DGKB: variants seen among roughly 807,000 people sequenced by gnomAD.
The protein encoded by DGKB is diacylglycerol kinase beta.
DGKB carries 67 observed loss-of-function variants against 114.3 expected under a neutral mutation model. That is an observed-to-expected ratio of 0.59 (90% CI 0.48 to 0.72). DGKB has a LOEUF of 0.72. DGKB is among the 30% of genes least tolerant of loss of function. DGKB has a pLI of 0.00. For missense variants in DGKB, 907 were observed against 975.2 expected (o/e 0.93, Z 0.93); for synonymous variants, 398 against 323.1 (o/e 1.23, Z -2.49).
At chr7:14,594,285 C>T (rs1396492633) in intron 17 of DGKB, among the ~76,000 whole-genome samples, 1 of 152,002 alleles carries the variant, frequency 6.6e-6, no homozygotes, top group East Asian at 1.9e-4. Context: ...GGTCATGCTA[C>T]ATGAAAGTCC....
chr7:14,669,698 G>C (rs1818631663), intron 13 of DGKB, among the ~76,000 whole-genome samples: 1 of 151,938 alleles, frequency 6.6e-6, no homozygotes, highest in Non-Finnish European at 1.5e-5. Flanking sequence ...CATTGTTTTG[G>C]ACTGAGCTCC....
chr7:14,704,752 G>C (rs1825885078), intron 6 of DGKB, among the ~76,000 whole-genome samples: 1 of 152,124 alleles, frequency 6.6e-6, no homozygotes, highest in African/African-American at 2.4e-5. Flanking sequence ...ACCTGCAGCT[G>C]AGGGTCCTGT....
chr7:14,932,106 C>A (rs2128251217), intron 1 of DGKB, among the ~76,000 whole-genome samples: 1 of 152,276 alleles, frequency 6.6e-6, no homozygotes, highest in South Asian at 2.1e-4. Context: ...CCAGCTGCTA[C>A]CCAAGTTAGG....
At chr7:14,769,701 C>T (rs1335699285) in intron 2 of DGKB, among the ~76,000 whole-genome samples, 2 of 152,008 alleles carry the variant, frequency 1.3e-5, no homozygotes, top group Admixed American at 6.6e-5. Flanking sequence ...AAGGTGTCAG[C>T]AGGGTTGTTT....
intron 19 of DGKB, among the ~76,000 whole-genome samples, chr7:14,578,332 T>C (rs1799460102): frequency 6.6e-6 from 1 of 152,168 alleles, no homozygotes; most frequent in Admixed American, 6.5e-5. Context: ...ACAAACACTG[T>C]GCAAACAAGT....
chr7:14,710,437 A>G (rs1827169448), intron 6 of DGKB, among the ~76,000 whole-genome samples: 1 of 152,118 alleles, frequency 6.6e-6, no homozygotes, highest in Non-Finnish European at 1.5e-5. Flanking sequence ...AGTCTATAAT[A>G]AACAATGAAT....
chr7:14,177,109 A>C (rs566640673), intron 24 of DGKB, among the ~76,000 whole-genome samples: 1 of 152,300 alleles, frequency 6.6e-6, no homozygotes, highest in South Asian at 2.1e-4. Context: ...CTTCCTGGTA[A>C]GTGTAGTGAC....
intron 5 of DGKB, among the ~76,000 whole-genome samples, chr7:14,729,185 C>G (rs546846010): frequency 7.1e-6 from 1 of 141,294 alleles, no homozygotes; most frequent in Non-Finnish European, 1.5e-5. Context: ...TGCAGTGGCG[C>G]CATCTCGGCT....
At chr7:14,845,028 G>T (rs1289811379) in intron 1 of DGKB, among the ~76,000 whole-genome samples, 2 of 143,900 alleles carry the variant, frequency 1.4e-5, no homozygotes, top group African/African-American at 5.2e-5. Context: ...GATTGCATGG[G>T]CCCAGGAGGT....
At chr7:14,930,195 T>C (rs1784944069) in intron 1 of DGKB, among the ~76,000 whole-genome samples, 1 of 152,174 alleles carries the variant, frequency 6.6e-6, no homozygotes, top group African/African-American at 2.4e-5. Context: ...AGGATTGATT[T>C]GGTCTTTTGG....
At chr7:14,210,534 A>T (rs1787585376) in intron 23 of DGKB, among the ~76,000 whole-genome samples, 1 of 152,130 alleles carries the variant, frequency 6.6e-6, no homozygotes, top group African/African-American at 2.4e-5. Context: ...GAATCACAAC[A>T]GAGCTTTAAT....
At chr7:14,190,839 G>A (rs1016549982) in intron 23 of DGKB, 5 of 152,730 alleles carry the variant, frequency 3.3e-5, no homozygotes, top group African/African-American at 1.2e-4. Flanking sequence ...TGTCAAAATT[G>A]GACACATTGA....
At chr7:14,554,296 C>T (rs551565688) in intron 20 of DGKB, among the ~76,000 whole-genome samples, 2 of 152,132 alleles carry the variant, frequency 1.3e-5, no homozygotes, top group South Asian at 4.2e-4. Context: ...CCGAACAACT[C>T]CTTAAGATAG....
intron 17 of DGKB, among the ~76,000 whole-genome samples, chr7:14,587,482 A>G (rs1584977056): frequency 6.6e-6 from 1 of 152,298 alleles, no homozygotes; most frequent in East Asian, 1.9e-4. Context: ...AGATTATTAC[A>G]TAAATTTAAT....
chr7:14,321,314 T>G (rs1309049173), intron 23 of DGKB, among the ~76,000 whole-genome samples: 2 of 152,048 alleles, frequency 1.3e-5, no homozygotes, highest in Admixed American at 1.3e-4. Context: ...AGCAATGTAA[T>G]TCTCCACATT....
chr7:14,752,852 T>C (rs1483990625), intron 4 of DGKB, among the ~76,000 whole-genome samples: 2 of 152,152 alleles, frequency 1.3e-5, no homozygotes, highest in East Asian at 3.9e-4. Flanking sequence ...AATGACTACA[T>C]TAGAGTAAAT....
chr7:14,943,150 G>A (rs917530952), intron 1 of DGKB, among the ~76,000 whole-genome samples: 18 of 151,548 alleles, frequency 1.2e-4, no homozygotes, highest in African/African-American at 3.9e-4. Context: ...TGTCATGCTT[G>A]CATTCCTTCA....
chr7:14,341,991 T>G (rs1399009024), intron 22 of DGKB, among the ~76,000 whole-genome samples: 1 of 151,882 alleles, frequency 6.6e-6, no homozygotes, highest in African/African-American at 2.4e-5. Context: ...CGTAAAACAT[T>G]ACTTTATAGG....
intron 17 of DGKB, among the ~76,000 whole-genome samples, chr7:14,599,947 T>C (rs1228918816): frequency 3.9e-5 from 6 of 152,138 alleles, no homozygotes; most frequent in Admixed American, 2.0e-4. Flanking sequence ...TTAACTCCTA[T>C]AGAAAAAAAA....
Sources: allele counts gnomAD v4.1 joint callset (sites outside exome capture counted in the v4.1 genomes callset), GRCh38; gene constraint gnomAD v4.1.1; transcripts MANE v1.5; gene names NCBI Gene and HGNC (gene_info 2026-07-23, HGNC 2026-07-21).